The following EIF4G3 variants were observed in gnomAD, a reference collection of about 807,000 sequenced individuals.
EIF4G3 encodes the protein eIF-4-gamma 3.
EIF4G3 carries 34 observed loss-of-function variants against 186.4 expected under a neutral mutation model. The ratio of observed to expected loss-of-function variants is 0.18; its 90% confidence interval spans 0.14 to 0.24. The LOEUF (loss-of-function observed/expected upper bound fraction) is 0.24, where lower values mean the gene tolerates loss of function less well. Among genes scored for constraint, EIF4G3 ranks in the 10% least tolerant of loss-of-function variants. The pLI, the probability that EIF4G3 is intolerant of heterozygous loss-of-function variation, is 1.00. For missense variants in EIF4G3, 1,536 were observed against 1,948.5 expected (o/e 0.79, Z 3.99); for synonymous variants, 673 against 679.5 (o/e 0.99, Z 0.15).
At chr1:21,075,410 A>G (rs2095555756) in intron 3 of EIF4G3, among the ~76,000 whole-genome samples, 1 of 151,814 alleles carries the variant, frequency 6.6e-6, no homozygotes, top group South Asian at 2.1e-4. Flanking sequence ...CTCTACTAAA[A>G]ATCCAAAAAT....
At chr1:20,897,452 C>T (rs2088650631) in intron 16 of EIF4G3, among the ~76,000 whole-genome samples, 1 of 150,354 alleles carries the variant, frequency 6.7e-6, no homozygotes, top group Non-Finnish European at 1.5e-5. Flanking sequence ...ACAGAAACAA[C>T]TTATTTAAGA....
intron 4 of EIF4G3, among the ~76,000 whole-genome samples, chr1:21,021,605 G>C (rs995135000): frequency 1.3e-5 from 2 of 152,114 alleles, no homozygotes; most frequent in East Asian, 1.9e-4. Flanking sequence ...ATCCAGGCTG[G>C]AGTGCAGGGG....
chr1:20,817,654 A>T, intron 33 of EIF4G3, 116 bp from the exon 34 acceptor site: 2 of 491,040 alleles, frequency 4.1e-6, no homozygotes, highest in Non-Finnish European at 6.2e-6. Context: ...AATCAAAATG[A>T]TCAGCAGAGG....
intron 29 of EIF4G3, among the ~76,000 whole-genome samples, chr1:20,841,892 T>C (rs917392987): frequency 3.1e-4 from 47 of 150,478 alleles, no homozygotes; most frequent in Non-Finnish European, 5.3e-4. Context: ...GGGGAGGATG[T>C]AGGTAGGAAG....
intron 30 of EIF4G3, among the ~76,000 whole-genome samples, chr1:20,837,484 G>A (rs1040836877): frequency 4.6e-5 from 7 of 152,112 alleles, no homozygotes; most frequent in South Asian, 2.1e-4. Context: ...GATTACAGGC[G>A]TGAGCCACCG....
rs899038804 is a variant in EIF4G3, at chr1:20,885,600, C to T, written c.2424+601G>A. 3.9e-5 allele frequency among the ~76,000 whole-genome samples: 6 copies of T among 152,088 alleles called. No individual in the cohort carries two copies. In the East Asian group the frequency reaches 1.2e-3, roughly 29 times the overall value. ...GCCTAGAAGCAAAAACATCTCAAGT[C>T]GCAGAGGTAACTTGGGGATAGGAAT... On this transcript the variant is annotated intron_variant, in intron 19 of 36. Transcript: ENST00000602326.
intron 2 of EIF4G3, among the ~76,000 whole-genome samples, chr1:21,141,699 C>G (rs1427046821): frequency 6.6e-6 from 1 of 151,972 alleles, no homozygotes; most frequent in Non-Finnish European, 1.5e-5. Context: ...GAAGCCAAGA[C>G]AGGAAGATCG....
In EIF4G3 at chr1:20,906,303, G is replaced by A. The variant is rs77223117; in HGVS notation, c.1664-1332C>T. 9.9e-5 allele frequency among the ~76,000 whole-genome samples: 15 copies of A among 152,158 alleles called. No individual in the cohort carries two copies. The East Asian group carries it at 2.9e-3, about 29-fold the overall frequency. On this transcript the variant is annotated intron_variant, in intron 14 of 36. Transcript: ENST00000602326. ...CAGTTGTCTCTTTGCATTTTTTGTG[G>A]ATCTTCTGATTTGATATAACCAGTC...
At chr1:20,897,914 A>T (rs2154556301) in intron 16 of EIF4G3, among the ~76,000 whole-genome samples, 1 of 152,004 alleles carries the variant, frequency 6.6e-6, no homozygotes, top group East Asian at 1.9e-4. Flanking sequence ...ATTATGCAAT[A>T]TACAAAATAT....
intron 10 of EIF4G3, among the ~76,000 whole-genome samples, chr1:20,978,342 C>G (rs2077271842): frequency 6.6e-6 from 1 of 152,028 alleles, no homozygotes; most frequent in African/African-American, 2.4e-5. Flanking sequence ...CATTATTGTT[C>G]TGAAAATATC....
chr1:21,120,822 G>A (rs2096913471), intron 2 of EIF4G3, among the ~76,000 whole-genome samples: 1 of 152,168 alleles, frequency 6.6e-6, no homozygotes, highest in African/African-American at 2.4e-5. Flanking sequence ...GCACGAGTAT[G>A]AACTTTACCT....
intron 19 of EIF4G3, among the ~76,000 whole-genome samples, chr1:20,882,445 C>A (rs1308956795): frequency 2.6e-5 from 4 of 151,880 alleles, no homozygotes; most frequent in Admixed American, 2.6e-4. Context: ...TGTGGTGAAA[C>A]CCCGTCTCTA....
chr1:21,141,397 G>GTGTGTGTC (rs1558153031), intron 2 of EIF4G3, among the ~76,000 whole-genome samples: 1 of 144,518 alleles, frequency 6.9e-6, no homozygotes, highest in African/African-American at 2.6e-5. Flanking sequence ...GTGTGTGTGT[G>GTGTGTGTC]TATGTGTAGT....
chr1:20,877,840 A>G (rs186742055), intron 20 of EIF4G3, among the ~76,000 whole-genome samples: 157 of 152,214 alleles, frequency 1.0e-3, no homozygotes, highest in Non-Finnish European at 2.0e-3. Flanking sequence ...ATCTTCTCTT[A>G]TCTCAATTTT....
At chr1:20,846,297 T>C (rs2070987835) in intron 29 of EIF4G3, among the ~76,000 whole-genome samples, 2 of 152,216 alleles carry the variant, frequency 1.3e-5, no homozygotes, top group South Asian at 4.1e-4. Flanking sequence ...CTAGCCTGAT[T>C]ACCCTGGCCA....
chr1:21,176,187 T>C lies in EIF4G3; in HGVS notation c.-284A>G. On this transcript the variant is annotated 5_prime_UTR_variant, in exon 2 of 37. Coordinates refer to ENST00000602326, the MANE Select transcript of EIF4G3 (RefSeq NM_001391906.1). The stretch of plus-strand genomic sequence containing the variant: ...GTGAAAAGGATACTGTTGGGGCGCC[T>C]GAGTCTGGAGGGCCCTGATGTTCGG... 7.3e-6 allele frequency: 3 copies of C among 410,038 alleles called. No homozygotes were observed. The highest frequency in any genetic ancestry group is 8.5e-6 in the Non-Finnish European group (2 of 234,228). The allele number at this position is 410,038 out of a possible 1,614,324, so 25.4% of individuals were successfully genotyped here. A position where few individuals can be genotyped will look rare whatever the true frequency, so the allele number is the denominator to read the frequency against.
At chr1:21,053,703 C>G (rs1228429435) in intron 3 of EIF4G3, among the ~76,000 whole-genome samples, 2 of 148,668 alleles carry the variant, frequency 1.3e-5, no homozygotes, top group African/African-American at 4.9e-5. Context: ...GCCAGCCGCC[C>G]CGTCCGGGAA....
At chr1:21,121,236 AGTAGACATTC>A (rs1421920250) in intron 2 of EIF4G3, among the ~76,000 whole-genome samples, 2 of 152,216 alleles carry the variant, frequency 1.3e-5, no homozygotes, top group African/African-American at 4.8e-5. Flanking sequence ...AGTAGACATT[AGTAGACATTC>A]AACAAATGGT....
In EIF4G3 at chr1:20,929,141, G is replaced by C. The variant is rs1206845441; in HGVS notation, c.1663+12350C>G. Among the ~76,000 whole-genome samples the C allele has an allele frequency of 4.6e-5, 7 of 152,198 alleles. No individual in the cohort carries two copies. The East Asian group carries it at 1.3e-3, about 29-fold the overall frequency. ...ATGCATCAGTTGATAAACTGATTTG[G>C]GTTGTTACCACTTTATGGCTGCCCT... On this transcript the variant is annotated intron_variant, in intron 14 of 36. Transcript: ENST00000602326.
Sources: allele counts gnomAD v4.1 joint callset (sites outside exome capture counted in the v4.1 genomes callset), GRCh38; gene constraint gnomAD v4.1.1; transcripts MANE v1.5; gene names NCBI Gene and HGNC (gene_info 2026-07-23, HGNC 2026-07-21).